The following PRKD3 variants were observed in gnomAD, a reference collection of about 807,000 sequenced individuals.
The protein encoded by PRKD3 is serine/threonine-protein kinase D3.
In PRKD3, 47 loss-of-function variants were observed where a neutral mutation model predicts 99.2. The observed-to-expected ratio is 0.47, with a 90% CI of 0.38 to 0.60. The LOEUF (loss-of-function observed/expected upper bound fraction) is 0.60. PRKD3 is among the 20% of genes least tolerant of loss of function. The probability of loss-of-function intolerance (pLI) is 0.00; values close to 1 mark genes in which losing one functional copy is unlikely to be tolerated. For missense variants in PRKD3, 1,019 were observed against 1,088.4 expected, an observed-to-expected ratio of 0.94 and a Z score of 0.90; for synonymous variants, 392 against 355.4, an observed-to-expected ratio of 1.10 and a Z score of -1.16.
rs758183882 is a variant in PRKD3, at chr2:37,279,733, G to GTA, written c.1172+11_1172+12dup. 1.4e-5 allele frequency: 23 copies of GTA among 1,597,910 alleles called. No individual in the cohort carries two copies. The African/African-American group carries it at 2.6e-4, about 18-fold the overall frequency. ...TGCATCTGGAAGTAGCTTGTAATAT[G>GTA]TATATATATTACCTGATTGTTTTAA... On this transcript the variant is annotated intron_variant, in intron 8 of 18. Transcript: ENST00000234179.
chr2:37,305,876 CAT>C (rs1272149322), intron 2 of PRKD3, among the ~76,000 whole-genome samples: 1 of 152,084 alleles, frequency 6.6e-6, no homozygotes, highest in Non-Finnish European at 1.5e-5. Flanking sequence ...TGGGGCTTTA[CAT>C]TTAACCACCA....
At chr2:37,315,018 T>A (rs997371518) in intron 2 of PRKD3, among the ~76,000 whole-genome samples, 1 of 152,138 alleles carries the variant, frequency 6.6e-6, no homozygotes, top group African/African-American at 2.4e-5. Context: ...ATTATTTACA[T>A]CAGAAGATAA....
chr2:37,324,824 G>T lies in PRKD3; in HGVS notation c.-799C>A, dbSNP rs934779619. ...CCCTCCCTCCCCGTCCCGTCCTGGG[G>T]CCGGAGGGCGGGGGGCCGGGGCGCG... On this transcript the variant is annotated 5_prime_UTR_variant, in exon 1 of 19. Coordinates refer to ENST00000234179, the MANE Select transcript of PRKD3 (RefSeq NM_005813.6). 2.7e-5 allele frequency: 4 copies of T among 150,494 alleles called. No homozygotes were observed. The highest frequency in any genetic ancestry group is 2.6e-4 in the Admixed American group (4 of 15,118). 9.3% of individuals were successfully genotyped at this position (150,494 alleles called of 1,614,324 possible).
Position 37,316,388 on chromosome 2 carries a change from C to G in PRKD3, c.137G>C (p.Ser46Thr). 1 of 1,614,188 alleles carries G rather than the reference C, an allele frequency of 6.2e-7. No individual in the cohort carries two copies. The highest frequency in any genetic ancestry group is 8.5e-7 in the Non-Finnish European group (1 of 1,180,048). The change falls in exon 2 of 19, where the codon AGT (serine) becomes ACT (threonine). Residue 46 changes from serine (S) to threonine (T), a missense_variant. Physicochemically the swap from Ser to Thr is moderately conservative, Grantham distance 58. This residue lies in a region of PRKD3 where 710 missense variants were observed against 692.7 expected (regional missense o/e 1.02). Coordinates refer to ENST00000234179, the MANE Select transcript of PRKD3 (RefSeq NM_005813.6). The stretch of plus-strand genomic sequence containing the variant: ...TCTGGAGTTGGTGAGTGATGGTGCA[C>G]TGAAGCTTCCATTAGAGAGTCGGGC... ...LSARLSNGSF[S>T]APSLTNSRGS...
At chr2:37,256,628 AT>A (rs56389006) in intron 17 of PRKD3, 33 bp downstream of exon 17, 53,084 of 1,151,238 alleles carry the variant, frequency 0.046, 448 homozygotes, top group African/African-American at 0.067. Context: ...CATAGCCAAA[AT>A]TTTTTTTTTT....
At chr2:37,284,514 T>C (rs958088073) in intron 6 of PRKD3, among the ~76,000 whole-genome samples, 8 of 152,216 alleles carry the variant, frequency 5.3e-5, no homozygotes, top group African/African-American at 1.9e-4. Flanking sequence ...ACTACCTTCA[T>C]TAAGATTATT....
chr2:37,256,964 T>G (rs754611197), intron 16 of PRKD3, 35 bp from the exon 17 acceptor site: 1 of 1,608,746 alleles, frequency 6.2e-7, no homozygotes, highest in South Asian at 1.1e-5. Flanking sequence ...TTTTGTATTA[T>G]AGTGTTATAT....
chr2:37,289,352 G>A lies in PRKD3; in HGVS notation c.717+4C>T, dbSNP rs767910633. ...TAAAATGTCTATTACCTTAGAATAC[G>A]TACCTCTTCACTGGGAAGGGCTACA... On this transcript the variant is annotated splice_donor_region_variant and intron_variant, in intron 5 of 18. Transcript: ENST00000234179. 1.1e-5 allele frequency: 18 copies of A among 1,613,408 alleles called. No individual in the cohort carries two copies. Among genetic ancestry groups the A allele is most frequent in the Non-Finnish European group, 8.5e-6 (10 of 1,179,780 alleles).
At chr2:37,291,492 G>A (rs1380173033) in intron 3 of PRKD3, among the ~76,000 whole-genome samples, 1 of 152,132 alleles carries the variant, frequency 6.6e-6, no homozygotes, top group East Asian at 1.9e-4. Flanking sequence ...AGTGAACGTC[G>A]GGACAGTAGA....
chr2:37,320,710 G>A (rs909132444), intron 1 of PRKD3, among the ~76,000 whole-genome samples: 4 of 152,058 alleles, frequency 2.6e-5, no homozygotes, highest in African/African-American at 9.7e-5. Flanking sequence ...GGGATTACAG[G>A]CGTGAGCCAC....
At chr2:37,311,788 G>C (rs1190993768) in intron 2 of PRKD3, among the ~76,000 whole-genome samples, 1 of 152,042 alleles carries the variant, frequency 6.6e-6, no homozygotes, top group Non-Finnish European at 1.5e-5. Context: ...ATTTCCATTA[G>C]ACTAGAGGTT....
chr2:37,274,787 T>C (rs1669477029), intron 10 of PRKD3, 90 bp from the exon 11 acceptor site: 3 of 1,243,998 alleles, frequency 2.4e-6, no homozygotes, highest in South Asian at 1.5e-5. Flanking sequence ...TGCATTTCAA[T>C]GAATGCCATT....
chr2:37,289,818 C>T (rs924887117), intron 4 of PRKD3, among the ~76,000 whole-genome samples: 8 of 152,158 alleles, frequency 5.3e-5, no homozygotes, highest in Admixed American at 2.0e-4. Flanking sequence ...TTAGAAACTA[C>T]GGGGATGAGG....
chr2:37,304,577 G>T lies in PRKD3; in HGVS notation c.289-11306C>A, dbSNP rs144831996. ...CCAACATGCTGAAACGCCATCTCTAGTAAAGATACAAAAAATTAGCTAGGC... is the reference window on the plus strand; with the variant it reads ...CCAACATGCTGAAACGCCATCTCTATTAAAGATACAAAAAATTAGCTAGGC... On this transcript the variant is annotated intron_variant, in intron 2 of 18. Transcript: ENST00000234179. Among the ~76,000 whole-genome samples, 21 of 151,870 alleles carry T rather than the reference G, an allele frequency of 1.4e-4. 1 individual carries two copies. In the South Asian group the frequency reaches 3.7e-3, roughly 27 times the overall value.
chr2:37,269,736 T>A lies in PRKD3; in HGVS notation c.1705-49A>T, dbSNP rs372341853. 26 of 1,285,688 alleles carry A rather than the reference T, an allele frequency of 2.0e-5. No individual in the cohort carries two copies. The African/African-American group carries it at 3.6e-4, about 18-fold the overall frequency. The allele number at this position is 1,285,688 out of a possible 1,614,324, so 79.6% of individuals were successfully genotyped here. A position where few individuals can be genotyped will look rare whatever the true frequency, so the allele number is the denominator to read the frequency against. On this transcript the variant is annotated intron_variant, in intron 12 of 18. Transcript: ENST00000234179. Reference sequence around the variant, plus strand: ...AGTATTATTTATTTCTATAATACAATGTCAACATCTCTGACTTTCTTCATC... The same window carrying A: ...AGTATTATTTATTTCTATAATACAAAGTCAACATCTCTGACTTTCTTCATC...
At chr2:37,323,355 A>T (rs1671963904) in intron 1 of PRKD3, among the ~76,000 whole-genome samples, 1 of 151,920 alleles carries the variant, frequency 6.6e-6, no homozygotes, top group South Asian at 2.1e-4. Context: ...CCGAGGATGG[A>T]ACCTGGCTCG....
chr2:37,309,467 A>G (rs1671320898), intron 2 of PRKD3, among the ~76,000 whole-genome samples: 5 of 152,248 alleles, frequency 3.3e-5, no homozygotes, highest in Admixed American at 3.3e-4. Flanking sequence ...TCACTGCTCA[A>G]CAATGGTAAT....
chr2:37,316,175 ATAATT>A, intron 2 of PRKD3, 57 bp downstream of exon 2: 2 of 1,467,902 alleles, frequency 1.4e-6, no homozygotes, highest in Non-Finnish European at 1.9e-6. Flanking sequence ...TGGTACACGT[ATAATT>A]TATAGAAAAA....
intron 5 of PRKD3, among the ~76,000 whole-genome samples, chr2:37,287,262 A>G (rs12990076): frequency 0.23 from 16,914 of 74,404 alleles, 971 homozygotes; most frequent in East Asian, 0.34. Context: ...AAAAAAAAAA[A>G]AAAAAGAAAA....
Sources: gnomAD v4.1 joint callset for allele counts (sites outside exome capture counted in the v4.1 genomes callset) on GRCh38, gnomAD v4.1.1 for gene constraint, gnomAD v4.1.1 regional missense constraint, MANE v1.5 for transcripts, NCBI Gene and HGNC (gene_info 2026-07-23, HGNC 2026-07-21) for gene names.